SPATS2L: variants seen among roughly 807,000 people sequenced by gnomAD.
SPATS2L encodes SPATS2-like protein.
SPATS2L carries 30 observed loss-of-function variants against 59.6 expected under a neutral mutation model. The observed-to-expected ratio is 0.50, with a 90% CI of 0.38 to 0.68. SPATS2L has a LOEUF of 0.68. SPATS2L is among the 30% of genes least tolerant of loss of function. The pLI is 0.00. For missense variants in SPATS2L, 615 were observed against 700.0 expected, an observed-to-expected ratio of 0.88 and a Z score of 1.37; for synonymous variants, 252 against 263.5, an observed-to-expected ratio of 0.96 and a Z score of 0.42.
At chr2:200,407,690 C>T (rs1414978666) in intron 3 of SPATS2L, among the ~76,000 whole-genome samples, 1 of 152,186 alleles carries the variant, frequency 6.6e-6, no homozygotes, top group Non-Finnish European at 1.5e-5. Context: ...GTAAAAATCT[C>T]ATAAATATTC....
upstream of SPATS2L, chr2:200,306,535 G>C (rs1214788384): frequency 1.0e-6 from 1 of 1,002,460 alleles, no homozygotes; most frequent in Non-Finnish European, 1.2e-6. Flanking sequence ...CAAAACCCGA[G>C]AGAGGCGTGA....
chr2:200,477,524 A>AAAAAAAAAAAAAAAAAAAAAAAAAAG (rs2087633839), intron 12 of SPATS2L, 112 bp from the exon 13 acceptor site: 1 of 637,430 alleles, frequency 1.6e-6, no homozygotes, highest in African/African-American at 2.0e-5. Context: ...ATAAAAAAAA[A>AAAAAAAAAAAAAAAAAAAAAAAAAAG]AAAAAAAAAA....
At chr2:200,477,475 G>A (rs1305850850) in intron 12 of SPATS2L, among the ~76,000 whole-genome samples, 161 bp from the exon 13 acceptor site, 1 of 138,334 alleles carries the variant, frequency 7.2e-6, no homozygotes, top group African/African-American at 2.9e-5. Flanking sequence ...AATTTTATCT[G>A]CCTGACCTCA....
chr2:200,403,793 C>A (rs537792249), intron 3 of SPATS2L, among the ~76,000 whole-genome samples: 213 of 152,320 alleles, frequency 1.4e-3, no homozygotes, highest in African/African-American at 4.8e-3. Context: ...CTGTGCAGTC[C>A]AGCACCATGG....
At chr2:200,452,717 C>T (rs2085544895) in intron 8 of SPATS2L, among the ~76,000 whole-genome samples, 1 of 152,138 alleles carries the variant, frequency 6.6e-6, no homozygotes, top group South Asian at 2.1e-4. Flanking sequence ...ATGCTTGAGG[C>T]ACCCCCACTC....
chr2:200,416,001 A>G (rs2083042466), intron 4 of SPATS2L, among the ~76,000 whole-genome samples: 1 of 152,220 alleles, frequency 6.6e-6, no homozygotes, highest in Non-Finnish European at 1.5e-5. Context: ...TCAGAATCCC[A>G]TATTTGGTTC....
At chr2:200,421,344 G>C (rs950379809) in intron 6 of SPATS2L, among the ~76,000 whole-genome samples, 5 of 152,108 alleles carry the variant, frequency 3.3e-5, no homozygotes, top group African/African-American at 1.2e-4. Flanking sequence ...GTGCCCTCAG[G>C]TATTGCACAC....
At chr2:200,339,560 A>G (rs2080254078) in intron 2 of SPATS2L, among the ~76,000 whole-genome samples, 1 of 152,164 alleles carries the variant, frequency 6.6e-6, no homozygotes, top group South Asian at 2.1e-4. Flanking sequence ...AAATAAGTAG[A>G]TATTTTAGAA....
chr2:200,323,391 C>T (rs549128251), intron 1 of SPATS2L, among the ~76,000 whole-genome samples: 1 of 152,096 alleles, frequency 6.6e-6, no homozygotes, highest in Non-Finnish European at 1.5e-5. Context: ...AGCCATTATA[C>T]CATTTAAAAT....
At chr2:200,446,040 CG>C (rs2085020318) in intron 8 of SPATS2L, among the ~76,000 whole-genome samples, 1 of 152,194 alleles carries the variant, frequency 6.6e-6, no homozygotes, top group East Asian at 1.9e-4. Context: ...GATTGTACCA[CG>C]CTTTTAAAAA....
At chr2:200,307,151 C>A (rs1000541098) in intron 1 of SPATS2L, among the ~76,000 whole-genome samples, 1 of 150,946 alleles carries the variant, frequency 6.6e-6, no homozygotes, top group Non-Finnish European at 1.5e-5. Flanking sequence ...CTTTCTCCAG[C>A]CGGCGCGGGC....
rs182381685 is a variant in SPATS2L at position 200,448,597 on chromosome 2, G to A, written c.788+7813G>A. Among the ~76,000 whole-genome samples the A allele has an allele frequency of 6.4e-3, 968 of 152,244 alleles. 3 individuals carry two copies. The highest frequency in any genetic ancestry group is 0.017 in the Middle Eastern group (5 of 294). On this transcript the variant is annotated intron_variant, in intron 8 of 12. Coordinates refer to ENST00000409140, the MANE Select transcript of SPATS2L (RefSeq NM_001100423.2). ...AAAGGGCTCTATCTCTTTCTGCTCTGGAAATGAATACAATCCTTGCAATGA... is the reference window on the plus strand; with the variant it reads ...AAAGGGCTCTATCTCTTTCTGCTCTAGAAATGAATACAATCCTTGCAATGA...
intron 6 of SPATS2L, among the ~76,000 whole-genome samples, chr2:200,424,323 TAAAAA>T (rs11311467): frequency 1.0e-4 from 15 of 149,678 alleles, no homozygotes; most frequent in Non-Finnish European, 2.1e-4. Flanking sequence ...CTTATCTCTT[TAAAAA>T]AAAAAGAAAA....
chr2:200,479,547 G>A lies in SPATS2L; in HGVS notation c.*1516G>A. On this transcript the variant is annotated 3_prime_UTR_variant, in exon 13 of 13. Coordinates refer to ENST00000409140, the MANE Select transcript of SPATS2L (RefSeq NM_001100423.2). ...AGTTCCTGAGCTAGATGGAGAAGGG[G>A]TACTTCTCAGAAAGGGAAAATGGAT... The A allele has an allele frequency of 2.5e-6, 1 of 398,588 alleles. No individual in the cohort carries two copies. The highest frequency in any genetic ancestry group is 4.4e-6 in the Non-Finnish European group (1 of 226,078). The allele number at this position is 398,588 out of a possible 1,614,324, so 24.7% of individuals were successfully genotyped here.
In SPATS2L at chr2:200,363,194, G is replaced by GT. The variant is rs202231320; in HGVS notation, c.-22-26019dup. 4.7e-3 allele frequency among the ~76,000 whole-genome samples: 705 copies of GT among 149,694 alleles called. 3 individuals carry two copies. The highest frequency in any genetic ancestry group is 5.9e-3 in the Admixed American group (88 of 14,976). ...AAATGCTAATGAATGAAAATTTAAAGTTTTTTTTTTAATTATACTACTACT... is the reference window on the plus strand; with the variant it reads ...AAATGCTAATGAATGAAAATTTAAAGTTTTTTTTTTTAATTATACTACTACT... On this transcript the variant is annotated intron_variant, in intron 2 of 12. Coordinates refer to ENST00000409140, the MANE Select transcript of SPATS2L (RefSeq NM_001100423.2).
chr2:200,319,111 C>G (rs2105766541), intron 1 of SPATS2L, among the ~76,000 whole-genome samples: 1 of 152,300 alleles, frequency 6.6e-6, no homozygotes, highest in Admixed American at 6.5e-5. Flanking sequence ...AAATATGCAC[C>G]TTCTGTGTGG....
At chr2:200,335,396 A>AG (rs1452758048) in intron 2 of SPATS2L, among the ~76,000 whole-genome samples, 2 of 151,764 alleles carry the variant, frequency 1.3e-5, no homozygotes, top group South Asian at 2.1e-4. Flanking sequence ...AAAGAAAGAA[A>AG]AAAAAAAGAA....
At chr2:200,387,803 G>T (rs2082037969) in intron 2 of SPATS2L, among the ~76,000 whole-genome samples, 1 of 152,218 alleles carries the variant, frequency 6.6e-6, no homozygotes, top group Non-Finnish European at 1.5e-5. Flanking sequence ...CTGACTGGCT[G>T]CTAATTTCTG....
At chr2:200,440,021 C>A (rs2084581958) in intron 7 of SPATS2L, among the ~76,000 whole-genome samples, 1 of 152,176 alleles carries the variant, frequency 6.6e-6, no homozygotes, top group Admixed American at 6.5e-5. Flanking sequence ...GGATTTCTTT[C>A]TTCTACCAAA....
Sources: allele counts gnomAD v4.1 joint callset (sites outside exome capture counted in the v4.1 genomes callset), GRCh38; gene constraint gnomAD v4.1.1; transcripts MANE v1.5; gene names NCBI Gene and HGNC (gene_info 2026-07-23, HGNC 2026-07-21).